LARP1: variants seen among roughly 807,000 people sequenced by gnomAD.
The protein encoded by LARP1 is La ribonucleoprotein 1, translational regulator, also known as la-related protein 1.
In LARP1, 36 loss-of-function variants were observed where a neutral mutation model predicts 122.7. That is an observed-to-expected ratio of 0.29 (90% CI 0.22 to 0.39). LARP1 has a LOEUF of 0.39. Among genes scored for constraint, LARP1 ranks in the 10% least tolerant of loss-of-function variants. The probability of loss-of-function intolerance (pLI) is 1.00; values close to 1 mark genes in which losing one functional copy is unlikely to be tolerated. For synonymous variants in LARP1, 539 were observed against 528.7 expected (o/e 1.02, Z -0.27); for missense variants, 1,040 against 1,403.6 (o/e 0.74, Z 4.14).
chr5:154,685,481 C>G (rs1443207048), intron 1 of LARP1, among the ~76,000 whole-genome samples: 1 of 152,154 alleles, frequency 6.6e-6, no homozygotes, highest in Non-Finnish European at 1.5e-5. Context: ...TCCTATGTTA[C>G]TTCCTTGGGG....
chr5:154,694,901 ATTG>A (rs1202121262), intron 1 of LARP1, among the ~76,000 whole-genome samples: 2 of 149,710 alleles, frequency 1.3e-5, no homozygotes, highest in East Asian at 2.0e-4. Context: ...TTTTTTTGTT[ATTG>A]TTGTTGAGAC....
intron 1 of LARP1, among the ~76,000 whole-genome samples, chr5:154,693,154 T>C (rs1754304054): frequency 6.6e-6 from 1 of 151,864 alleles, no homozygotes; most frequent in Non-Finnish European, 1.5e-5. Context: ...TCATTTTGTT[T>C]TGAGACGGGG....
chr5:154,712,767 A>G (rs544465169), upstream of LARP1: 4 of 637,974 alleles, frequency 6.3e-6, no homozygotes, highest in Admixed American at 8.6e-5. Context: ...TGCTCGGCCA[A>G]TGAGCTGCCG....
At chr5:154,728,179 C>G (rs1372565803) in intron 1 of LARP1, among the ~76,000 whole-genome samples, 1 of 152,136 alleles carries the variant, frequency 6.6e-6, no homozygotes, top group Non-Finnish European at 1.5e-5. Context: ...ATTCCCAGAT[C>G]CCACTCTGTA....
At chr5:154,805,482 CGCGTGGATCCAT>C (rs1758699924) in intron 14 of LARP1, among the ~76,000 whole-genome samples, 1 of 152,080 alleles carries the variant, frequency 6.6e-6, no homozygotes, top group African/African-American at 2.4e-5. Context: ...AGTGGACCCA[CGCGTGGATCCAT>C]GCATTTCAAA....
In LARP1 at chr5:154,805,953, G is replaced by T. The variant is rs1426436427; in HGVS notation, c.2619G>T (p.Gln873His). Residue 873 changes from glutamine to histidine, a missense_variant, in exon 15 of 19, where the codon CAG becomes CAT. Around this residue, in one of 8 missense-constraint regions of LARP1, gnomAD observed 59 missense variants for 137.2 expected, o/e 0.43. Coordinates refer to ENST00000518297, the MANE Select transcript of LARP1 (RefSeq NM_033551.3). ...CCCCTCAGTCATTGCCCAAGTTCCA[G>T]CATCCTTCCCATGAACTGCTCAAGG... is the stretch of plus-strand genomic sequence containing the variant. The part of the protein sequence containing the change: ...GCTPQSLPKF[Q>H]HPSHELLKEN... The T allele has an allele frequency of 6.2e-6, 10 of 1,614,028 alleles. No homozygotes were observed. Among genetic ancestry groups the T allele is most frequent in the Non-Finnish European group, 7.6e-6 (9 of 1,180,028 alleles).
In LARP1 at chr5:154,808,541, C is replaced by T; in HGVS notation, c.2781C>T (p.Phe927=). 1 of 1,613,924 alleles carries T rather than the reference C, an allele frequency of 6.2e-7. No individual in the cohort carries two copies. The highest frequency in any genetic ancestry group is 1.1e-5 in the South Asian group (1 of 91,056). Residue 927 remains phenylalanine, a synonymous_variant, in exon 16 of 19, where the codon TTC becomes TTT. Transcript: ENST00000518297. ...RFWSFFLRDH[F]NKKMYEEFKQ... is the part of the protein sequence containing the mutation. ...GGTCCTTCTTCCTCCGAGATCACTTCAACAAAAAGATGTATGAGGAGTTCA... is the reference window on the plus strand; with the variant it reads ...GGTCCTTCTTCCTCCGAGATCACTTTAACAAAAAGATGTATGAGGAGTTCA...
At chr5:154,750,109 A>C (rs914216337) in intron 1 of LARP1, among the ~76,000 whole-genome samples, 40 of 152,282 alleles carry the variant, frequency 2.6e-4, no homozygotes, top group African/African-American at 9.2e-4. Context: ...TCTCTCATGC[A>C]GCCTGCTGTG....
intron 1 of LARP1, among the ~76,000 whole-genome samples, chr5:154,769,314 T>C (rs538395804): frequency 1.3e-5 from 2 of 152,320 alleles, no homozygotes; most frequent in East Asian, 3.9e-4. Context: ...TTGTAGGCCC[T>C]TGAGTTTGCC....
chr5:154,688,697 A>G (rs1350626039), intron 1 of LARP1, among the ~76,000 whole-genome samples: 3 of 149,664 alleles, frequency 2.0e-5, no homozygotes, highest in Non-Finnish European at 4.4e-5. Context: ...CTAGTGGCAC[A>G]TGCCTGTAGT....
In LARP1 at chr5:154,800,059, C is replaced by G. The variant is rs1268946509; in HGVS notation, c.1716+17C>G. On this transcript the variant is annotated intron_variant, in intron 10 of 18. Transcript: ENST00000518297. ...CGGCCCAAGGTGGGTGAGGCCTTGTCCCTTGCCTTGGTTCTAGCACTCTGA... is the reference window on the plus strand; with the variant it reads ...CGGCCCAAGGTGGGTGAGGCCTTGTGCCTTGCCTTGGTTCTAGCACTCTGA... The G allele has an allele frequency of 8.1e-6, 13 of 1,610,730 alleles. No homozygotes were observed. Among genetic ancestry groups the G allele is most frequent in the Non-Finnish European group, 1.1e-5 (13 of 1,178,680 alleles).
At position 154,756,055 on chromosome 5, in the gene LARP1, G is replaced by T. The variant is rs546510316; in HGVS notation, c.298G>T (p.Gly100Cys). The change falls in exon 1 of 19, where the codon GGC becomes TGC. Residue 100 changes from glycine (G) to cysteine (C), a missense_variant. Transcript: ENST00000518297. ...SDGEEGGGEP[G>C]AGGGAAGAAG... ...CGGGGAGGAGGGCGGCGGCGAGCCA[G>T]GCGCTGGCGGAGGAGCTGCCGGAGC... is the stretch of plus-strand genomic sequence containing the variant. 15 of 1,096,836 alleles carry T rather than the reference G, an allele frequency of 1.4e-5. No homozygotes were observed. The South Asian group carries it at 2.3e-4, about 17-fold the overall frequency. The allele number at this position is 1,096,836 out of a possible 1,614,324, so 67.9% of individuals were successfully genotyped here. A position where few individuals can be genotyped will look rare whatever the true frequency, so the allele number is the denominator to read the frequency against.
chr5:154,774,370 G>A (rs1261444820), intron 1 of LARP1, among the ~76,000 whole-genome samples: 1 of 152,170 alleles, frequency 6.6e-6, no homozygotes, highest in Non-Finnish European at 1.5e-5. Context: ...CAGCAGCCCT[G>A]TGCCAAGTCT....
chr5:154,696,782 G>C (rs1582153279), intron 1 of LARP1, among the ~76,000 whole-genome samples: 1 of 152,276 alleles, frequency 6.6e-6, no homozygotes, highest in South Asian at 2.1e-4. Context: ...TTAGGAAGAG[G>C]TTTACTTGCC....
intron 3 of LARP1, 98 bp downstream of exon 3, chr5:154,790,808 A>C (rs549672755): frequency 9.2e-7 from 1 of 1,082,624 alleles, no homozygotes; most frequent in Non-Finnish European, 1.4e-6. Context: ...TACCTTTCTC[A>C]GTTTTCATTC....
upstream of LARP1, among the ~76,000 whole-genome samples, chr5:154,710,279 C>A (rs1042473856): frequency 3.3e-5 from 5 of 152,104 alleles, no homozygotes; most frequent in African/African-American, 1.2e-4. Context: ...CTAGGGAATT[C>A]ACTTAGTTTA....
chr5:154,776,972 G>A (rs183238013), intron 1 of LARP1, among the ~76,000 whole-genome samples: 4 of 152,312 alleles, frequency 2.6e-5, no homozygotes, highest in Admixed American at 6.5e-5. Flanking sequence ...AACAACCCAA[G>A]TACAGTCTCG....
chr5:154,717,168 A>C (rs1027871222), intron 1 of LARP1, among the ~76,000 whole-genome samples: 1 of 152,144 alleles, frequency 6.6e-6, no homozygotes, highest in Non-Finnish European at 1.5e-5. Flanking sequence ...AAGATCTGGC[A>C]CTATATGTCC....
At position 154,745,507 on chromosome 5, in the gene LARP1, C is replaced by T. The variant is rs992346233; in HGVS notation, c.205+32377C>T. ...TTAATTCAATCCCTACAATAATCCT[C>T]AGGGGTAGGTGCTATTATCATCCCC... On this transcript the variant is annotated intron_variant, in intron 1 of 18. Transcript: ENST00000336314. Among the ~76,000 whole-genome samples the T allele has an allele frequency of 5.3e-5, 8 of 152,202 alleles. 1 individual carries two copies. Among genetic ancestry groups the T allele is most frequent in the Admixed American group, 4.6e-4 (7 of 15,276 alleles).
Sources: gnomAD v4.1 joint callset for allele counts (sites outside exome capture counted in the v4.1 genomes callset) on GRCh38, gnomAD v4.1.1 for gene constraint, gnomAD v4.1.1 regional missense constraint, MANE v1.5 for transcripts, NCBI Gene and HGNC (gene_info 2026-07-23, HGNC 2026-07-21) for gene names.